CSTPP1: variants seen among roughly 807,000 people sequenced by gnomAD.
The protein encoded by CSTPP1 is UPF0705 protein C11orf49.
At chr11:47,087,963 G>C in the CSTPP1 span, among the ~76,000 whole-genome samples, 50,734 of 151,932 alleles carry the variant, frequency 0.33, 9,004 homozygotes, top group East Asian at 0.71. Flanking sequence ...TCTAAGCTCA[G>C]TCATGTGGGA....
chr11:47,138,008 T>G, the CSTPP1 span: 3 of 514,096 alleles, frequency 5.8e-6, no homozygotes, highest in East Asian at 3.3e-5. Context: ...ACCCCTCCAA[T>G]ACCCCCACAC....
At chr11:47,053,493 C>T in the CSTPP1 span, among the ~76,000 whole-genome samples, 17 of 151,878 alleles carry the variant, frequency 1.1e-4, no homozygotes, top group Admixed American at 4.6e-4. Context: ...GTGGCGCACT[C>T]CTATAATCCC....
chr11:47,076,993 C>A, the CSTPP1 span, among the ~76,000 whole-genome samples: 2 of 147,952 alleles, frequency 1.4e-5, no homozygotes, highest in African/African-American at 2.5e-5. Flanking sequence ...ACTGAAGGCC[C>A]AGTCCAGGAG....
the CSTPP1 span, among the ~76,000 whole-genome samples, chr11:47,116,544 G>A: frequency 9.9e-5 from 15 of 152,016 alleles, no homozygotes; most frequent in East Asian, 1.2e-3. Context: ...AGCTCTTCTT[G>A]TTGAATTGAT....
chr11:47,086,585 A>G, the CSTPP1 span, among the ~76,000 whole-genome samples: 5 of 152,112 alleles, frequency 3.3e-5, no homozygotes, highest in African/African-American at 7.2e-5. Flanking sequence ...AGGAAAAGGA[A>G]TAGGAAAAGA....
the CSTPP1 span, among the ~76,000 whole-genome samples, chr11:47,019,945 A>C: frequency 6.6e-6 from 1 of 152,220 alleles, no homozygotes; most frequent in Admixed American, 6.5e-5. Flanking sequence ...GCTATTCTGT[A>C]TAATGAATTT....
the CSTPP1 span, among the ~76,000 whole-genome samples, chr11:46,995,448 A>G: frequency 6.6e-6 from 1 of 152,172 alleles, no homozygotes; most frequent in African/African-American, 2.4e-5. Flanking sequence ...ACTGCTTTAA[A>G]TGTGTCCCAG....
At chr11:47,142,063 T>C in the CSTPP1 span, among the ~76,000 whole-genome samples, 1 of 149,754 alleles carries the variant, frequency 6.7e-6, no homozygotes, top group Non-Finnish European at 1.5e-5. Context: ...GTCAACATGG[T>C]GAAACCCCAT....
At chr11:47,085,981 C>T in the CSTPP1 span, among the ~76,000 whole-genome samples, 32 of 140,442 alleles carry the variant, frequency 2.3e-4, no homozygotes, top group Non-Finnish European at 4.1e-4. Context: ...GGATGGGGGT[C>T]GGGGATGGAT....
chr11:46,970,750 C>T, the CSTPP1 span, among the ~76,000 whole-genome samples: 2 of 151,870 alleles, frequency 1.3e-5, no homozygotes, highest in Non-Finnish European at 2.9e-5. Context: ...ATGATATGTA[C>T]AGAAAATAAA....
the CSTPP1 span, among the ~76,000 whole-genome samples, chr11:46,940,516 C>A: frequency 6.6e-6 from 1 of 152,152 alleles, no homozygotes; most frequent in Admixed American, 6.5e-5. Context: ...CAACAAAATA[C>A]ATCAAACTTG....
chr11:47,155,143 TTC>T, the CSTPP1 span: 5 of 1,304,628 alleles, frequency 3.8e-6, no homozygotes, highest in Non-Finnish European at 5.3e-6. Context: ...CTCTCCCCCA[TTC>T]TCTCTCTCAG....
chr11:47,014,379 GAAAAAGAAAAA>G, the CSTPP1 span, among the ~76,000 whole-genome samples: 1 of 100,104 alleles, frequency 1.0e-5, no homozygotes, highest in Non-Finnish European at 2.8e-5. Context: ...AAAAAAGAAA[GAAAAAGAAAAA>G]AAAAAGAGAG....
the CSTPP1 span, among the ~76,000 whole-genome samples, chr11:47,016,521 T>G: frequency 6.6e-6 from 1 of 152,172 alleles, no homozygotes; most frequent in African/African-American, 2.4e-5. Context: ...ATTTAAATTT[T>G]AAAAGCAGTG....
chr11:47,154,939 T>C, the CSTPP1 span: 3 of 576,498 alleles, frequency 5.2e-6, no homozygotes, highest in Non-Finnish European at 6.2e-6. Flanking sequence ...GGGTACAGTG[T>C]GGTCAGTTCA....
chr11:47,102,237 G>C, the CSTPP1 span, among the ~76,000 whole-genome samples: 1 of 151,856 alleles, frequency 6.6e-6, no homozygotes, highest in African/African-American at 2.4e-5. Flanking sequence ...AAAGGATTTT[G>C]ATCTCTTTTT....
At chr11:46,960,211 G>T in the CSTPP1 span, among the ~76,000 whole-genome samples, 1 of 152,064 alleles carries the variant, frequency 6.6e-6, no homozygotes, top group Non-Finnish European at 1.5e-5. Context: ...TATTGCCCAG[G>T]CTGATCTTGA....
At chr11:47,087,132 C>A in the CSTPP1 span, among the ~76,000 whole-genome samples, 1 of 152,090 alleles carries the variant, frequency 6.6e-6, no homozygotes, top group Non-Finnish European at 1.5e-5. Flanking sequence ...GAGTGTAAAT[C>A]TGGACTATGT....
chr11:47,028,543 CT>C, the CSTPP1 span, among the ~76,000 whole-genome samples: 2 of 152,128 alleles, frequency 1.3e-5, no homozygotes, highest in Non-Finnish European at 1.5e-5. Context: ...CTGCATTCAA[CT>C]TTTGTAAAGA....
Sources: allele counts gnomAD v4.1 joint callset (sites outside exome capture counted in the v4.1 genomes callset), GRCh38; gene constraint gnomAD v4.1.1; transcripts MANE v1.5; gene names NCBI Gene and HGNC (gene_info 2026-07-23, HGNC 2026-07-21).